DIDO1: variants seen among roughly 807,000 people sequenced by gnomAD.
DIDO1 encodes the protein death-inducer obliterator 1.
DIDO1 carries 16 observed loss-of-function variants against 99.4 expected under a neutral mutation model. The observed-to-expected ratio is 0.16, with a 90% confidence interval of 0.11 to 0.24. The LOEUF is 0.24. Among genes scored for constraint, DIDO1 ranks in the 10% least tolerant of loss-of-function variants. The probability of loss-of-function intolerance (pLI) is 1.00; values close to 1 mark genes in which losing one functional copy is unlikely to be tolerated. For missense variants in DIDO1, 2,996 were observed against 3,014.0 expected, an observed-to-expected ratio of 0.99 and a Z score of 0.14; for synonymous variants, 1,366 against 1,239.1, an observed-to-expected ratio of 1.10 and a Z score of -2.15.
chr20:62,910,846 C>A lies in DIDO1; in HGVS notation c.767G>T (p.Arg256Leu), dbSNP rs540007226. The A allele has an allele frequency of 1.2e-6, 2 of 1,614,132 alleles. No homozygotes were observed. Among genetic ancestry groups the A allele is most frequent in the East Asian group, 2.2e-5 (1 of 44,860 alleles). The change falls in exon 3 of 16, where the codon CGA (arginine) becomes CTA (leucine). Residue 256 changes from arginine (R) to leucine (L), a missense_variant. Physicochemically the swap from Arg to Leu is moderately radical, Grantham distance 102. Around this residue, in one of 5 missense-constraint regions of DIDO1, gnomAD observed 388 missense variants for 376.6 expected, o/e 1.03. Coordinates refer to ENST00000395343, the MANE Select transcript of DIDO1 (RefSeq NM_001193369.2). Reference protein sequence around the residue: ...IKDEEPGDLGRPKPECEGYDP... With the variant: ...IKDEEPGDLGLPKPECEGYDP... ...GTAACCCTCACATTCAGGCTTCGGT[C>A]GGCCCAAGTCTCCAGGCTCCTCATC...
At chr20:62,929,692 A>AAAAAAAAAAAAAATATATATAT, upstream of DIDO1, among the ~76,000 whole-genome samples, 5 of 63,736 alleles carry the variant, frequency 7.8e-5, no homozygotes, top group African/African-American at 3.0e-4. Flanking sequence ...AAAAAGAAAA[A>AAAAAAAAAAAAAATATATATAT]GTGTATATAT....
Position 62,911,711 on chromosome 20 carries a change from A to C in DIDO1, c.-2-97T>G. On this transcript the variant is annotated intron_variant, in intron 2 of 15. Transcript: ENST00000395343. The surrounding 1 kb of genome is among the most constrained non-coding windows in gnomAD (Gnocchi z 7.0). ...CGCAGCAGGGGCCACCTCCCTACAA[A>C]CAGTGGAGCTCTACATAAAGCAAGT... The C allele has an allele frequency of 9.3e-7, 1 of 1,074,736 alleles. No homozygotes were observed. Among genetic ancestry groups the C allele is most frequent in the Non-Finnish European group, 1.3e-6 (1 of 763,338 alleles). The allele number at this position is 1,074,736 out of a possible 1,614,324, so 66.6% of individuals were successfully genotyped here. A position where few individuals can be genotyped will look rare whatever the true frequency, so the allele number is the denominator to read the frequency against.
rs115996008 is a variant in DIDO1 at position 62,893,101 on chromosome 20, C to T, written c.3102-139G>A. Reference sequence around the variant, plus strand: ...GAGTGCGGTGGTGCAACACAGCTGGCTGCAGTCTCCGCCTCCCAGGCTCAG... The same window carrying T: ...GAGTGCGGTGGTGCAACACAGCTGGTTGCAGTCTCCGCCTCCCAGGCTCAG... On this transcript the variant is annotated intron_variant, in intron 12 of 15. Transcript: ENST00000395343. 7 of 900,886 alleles carry T rather than the reference C, an allele frequency of 7.8e-6. No homozygotes were observed. The African/African-American group carries it at 8.4e-5, about 11-fold the overall frequency. 55.8% of individuals were successfully genotyped at this position (900,886 alleles called of 1,614,324 possible). A position where few individuals can be genotyped will look rare whatever the true frequency, so the allele number is the denominator to read the frequency against.
chr20:62,891,071 C>A lies in DIDO1; in HGVS notation c.3430G>T (p.Gly1144Cys). The change falls in exon 15 of 16, where the codon GGC becomes TGC. Residue 1144 changes from glycine to cysteine, a missense_variant. Gly to Cys is a radical substitution (Grantham distance 159). This residue lies in a region of DIDO1 where 135 missense variants were observed against 202.3 expected (regional missense o/e 0.67). Coordinates refer to ENST00000395343, the MANE Select transcript of DIDO1 (RefSeq NM_001193369.2). ...TTATTAGCTACAACACCAAAGCGGC[C>A]ACGGCTGCTGAAATAGGAGTAGAGA... is the stretch of plus-strand genomic sequence containing the variant. ...ISLYSYFSSR[G>C]RFGVVANNNR... 6.2e-7 allele frequency: 1 copy of A among 1,614,158 alleles called. No homozygotes were observed. The highest frequency in any genetic ancestry group is 1.1e-5 in the South Asian group (1 of 91,080).
chr20:62,910,970 T>G lies in DIDO1; in HGVS notation c.643A>C (p.Ser215Arg). ...TGATCGTTCTCGGGCTCCTGCTTAC[T>G]GGGCAGGACGCCCTCCACAGTGTCA... ...ASDTVEGVLP[S>R]KQEPENDQGV... The change falls in exon 3 of 16, where the codon AGT becomes CGT. Residue 215 changes from serine (S) to arginine (R), a missense_variant. Coordinates refer to ENST00000395343, the MANE Select transcript of DIDO1 (RefSeq NM_001193369.2). The G allele has an allele frequency of 6.2e-7, 1 of 1,614,160 alleles. No homozygotes were observed. Among genetic ancestry groups the G allele is most frequent in the Non-Finnish European group, 8.5e-7 (1 of 1,180,028 alleles).
chr20:62,910,656 T>A, intron 3 of DIDO1, 118 bp downstream of exon 3: 1 of 1,222,232 alleles, frequency 8.2e-7, no homozygotes, highest in Non-Finnish European at 1.2e-6. Context: ...TGACAACTTG[T>A]TCATCTTTTC....
chr20:62,911,189 C>T lies in DIDO1; in HGVS notation c.424G>A (p.Val142Met). ...TCATCGTGGTCATCCCCTCCTTTCACCTTTTCAGAAGAGGCTGGTCGTTCC... is the reference window on the plus strand; with the variant it reads ...TCATCGTGGTCATCCCCTCCTTTCATCTTTTCAGAAGAGGCTGGTCGTTCC... ...VKERPASSEK[V>M]KGGDDHDDTS... The change falls in exon 3 of 16, where the codon GTG becomes ATG. Residue 142 changes from valine (V) to methionine (M), a missense_variant. Transcript: ENST00000395343. The surrounding 1 kb of genome is among the most constrained non-coding windows in gnomAD (Gnocchi z 7.0). The T allele has an allele frequency of 6.2e-7, 1 of 1,613,978 alleles. No individual in the cohort carries two copies. The highest frequency in any genetic ancestry group is 8.5e-7 in the Non-Finnish European group (1 of 1,180,046).
chr20:62,926,334 C>T (rs1176233290), intron 1 of DIDO1, 105 bp downstream of exon 1: 2 of 151,818 alleles, frequency 1.3e-5, no homozygotes, highest in Admixed American at 1.3e-4. Context: ...GGATCCGCGG[C>T]TCTCGCCAGC....
In DIDO1 at chr20:62,879,635, G is replaced by C. The variant is rs1381704627; in HGVS notation, c.6321C>G (p.Gly2107=). 1 of 1,606,334 alleles carries C rather than the reference G, an allele frequency of 6.2e-7. No homozygotes were observed. Among genetic ancestry groups the C allele is most frequent in the Admixed American group, 1.7e-5 (1 of 60,028 alleles). Residue 2107 remains glycine, a synonymous_variant, in exon 16 of 16, where the codon GGC becomes GGG. Coordinates refer to ENST00000395343, the MANE Select transcript of DIDO1 (RefSeq NM_001193369.2). The surrounding 1 kb of genome is among the most constrained non-coding windows in gnomAD (Gnocchi z 6.3). ...EKPLEEPDAQ[G]RASEDRRRER... ...CTCTCCTCCTGTCCTCGGACGCCCG[G>C]CCCTGGGCGTCGGGCTCCTCCAGCG...
intron 15 of DIDO1, chr20:62,889,223 C>G (rs775854226): frequency 5.7e-5 from 56 of 985,500 alleles, no homozygotes; most frequent in Non-Finnish European, 6.6e-5. Flanking sequence ...TCCTTTCCCT[C>G]TGCCCCGGGG....
At position 62,896,359 on chromosome 20, in the gene DIDO1, T is replaced by C; in HGVS notation, c.2088A>G (p.Glu696=). The C allele has an allele frequency of 6.2e-7, 1 of 1,614,180 alleles. No individual in the cohort carries two copies. The highest frequency in any genetic ancestry group is 8.5e-7 in the Non-Finnish European group (1 of 1,180,030). The change falls in exon 8 of 16, where the codon GAA becomes GAG. Residue 696 remains glutamate, a synonymous_variant. Coordinates refer to ENST00000395343, the MANE Select transcript of DIDO1 (RefSeq NM_001193369.2). The surrounding 1 kb of genome is among the most constrained non-coding windows in gnomAD (Gnocchi z 4.4). ...GGAGGGCAATTTTTCCTACTTCGTTTTCTGTCATGATTAAGTCATCGCTGT... is the reference window on the plus strand; with the variant it reads ...GGAGGGCAATTTTTCCTACTTCGTTCTCTGTCATGATTAAGTCATCGCTGT... The part of the protein sequence containing the change: ...VNDSDDLIMT[E]NEVGKIALHI...
Position 62,881,234 on chromosome 20 carries a change from C to G in DIDO1, c.4722G>C (p.Glu1574Asp), listed in dbSNP as rs754721641. The G allele has an allele frequency of 1.4e-5, 23 of 1,603,100 alleles. No individual in the cohort carries two copies. The highest frequency in any genetic ancestry group is 2.7e-5 in the African/African-American group (2 of 74,826). Residue 1574 changes from glutamate (E) to aspartate (D), a missense_variant, in exon 16 of 16, where the codon GAG becomes GAC. Coordinates refer to ENST00000395343, the MANE Select transcript of DIDO1 (RefSeq NM_001193369.2). This position sits in a 1 kb window ranked among gnomAD's most constrained non-coding sequence, Gnocchi z 8.3. ...RRLATETGEG[E>D]GEPLSRLSAR... ...CCGAGAGCCTGGAGAGAGGCTCCCC[C>G]TCCCCCTCACCGGTCTCAGTGGCCA...
chr20:62,912,665 TA>T (rs1483906339), intron 2 of DIDO1, among the ~76,000 whole-genome samples: 1 of 152,254 alleles, frequency 6.6e-6, no homozygotes, highest in Non-Finnish European at 1.5e-5. Flanking sequence ...ATTTCAATGC[TA>T]ATGATGACTC....
At chr20:62,922,213 TATATATACACACACACAC>T (rs762213196) in intron 1 of DIDO1, among the ~76,000 whole-genome samples, 49 of 90,836 alleles carry the variant, frequency 5.4e-4, no homozygotes, top group South Asian at 2.2e-3. Context: ...TATATGTACA[TATATATACACACACACAC>T]ATATATATAT....
intron 1 of DIDO1, among the ~76,000 whole-genome samples, chr20:62,933,931 A>C (rs750165415): frequency 1.1e-4 from 17 of 152,292 alleles, no homozygotes; most frequent in Middle Eastern, 3.4e-3. Context: ...ATCTCTTTCA[A>C]TATGAAACAA....
chr20:62,894,046 C>T lies in DIDO1; in HGVS notation c.2721G>A (p.Val907=). Residue 907 remains valine (V), a synonymous_variant, in exon 12 of 16, where the codon GTG becomes GTA. Coordinates refer to ENST00000395343, the MANE Select transcript of DIDO1 (RefSeq NM_001193369.2). The surrounding 1 kb of genome is among the most constrained non-coding windows in gnomAD (Gnocchi z 4.4). ...DSADEVMPEA[V]PEVASEPGLE... ...GGCCTGGCTCAGAGGCAACTTCAGG[C>T]ACAGCCTCCGGCATCACCTCATCAG... is the stretch of plus-strand genomic sequence containing the variant. 1 of 1,614,240 alleles carries T rather than the reference C, an allele frequency of 6.2e-7. No individual in the cohort carries two copies. The highest frequency in any genetic ancestry group is 1.3e-5 in the African/African-American group (1 of 75,062).
At chr20:62,912,722 T>C (rs1024100821) in intron 2 of DIDO1, among the ~76,000 whole-genome samples, 4 of 152,170 alleles carry the variant, frequency 2.6e-5, no homozygotes, top group Non-Finnish European at 5.9e-5. Flanking sequence ...TGGCATAAAA[T>C]GAAAGCCTTA....
chr20:62,893,236 G>A (rs2064437124), intron 12 of DIDO1, among the ~76,000 whole-genome samples: 1 of 152,176 alleles, frequency 6.6e-6, no homozygotes, highest in East Asian at 1.9e-4. Context: ...ATGTTGCTCA[G>A]GCTGGTTTCA....
At chr20:62,935,157 G>A (rs2065369197) in intron 1 of DIDO1, among the ~76,000 whole-genome samples, 1 of 152,144 alleles carries the variant, frequency 6.6e-6, no homozygotes, top group Non-Finnish European at 1.5e-5. Context: ...CACCTCATCA[G>A]CTGGGCTACT....
Sources: gnomAD v4.1 joint callset for allele counts (sites outside exome capture counted in the v4.1 genomes callset) on GRCh38, gnomAD v4.1.1 for gene constraint, gnomAD v4.1.1 regional missense constraint, Gnocchi (gnomAD v3.1) non-coding constraint, MANE v1.5 for transcripts, NCBI Gene and HGNC (gene_info 2026-07-23, HGNC 2026-07-21) for gene names.